CNTN5: variants seen among roughly 807,000 people sequenced by gnomAD.
CNTN5 encodes contactin 5.
Under a neutral mutation model 129.1 loss-of-function variants are expected in CNTN5, and 77 were observed. The ratio of observed to expected loss-of-function variants is 0.60; its 90% CI spans 0.50 to 0.72. The LOEUF is 0.72. Among genes scored for constraint, CNTN5 ranks in the 30% least tolerant of loss-of-function variants. CNTN5 has a pLI of 0.00. For synonymous variants in CNTN5, 509 were observed against 465.6 expected, an observed-to-expected ratio of 1.09 and a Z score of -1.20; for missense variants, 1,478 against 1,328.8, an observed-to-expected ratio of 1.11 and a Z score of -1.75.
At position 99,700,750 on chromosome 11, in the gene CNTN5, A is replaced by G. The variant is rs148432668; in HGVS notation, c.56-118794A>G. Among the ~76,000 whole-genome samples, 265 of 151,404 alleles carry G rather than the reference A, an allele frequency of 1.8e-3. 1 individual carries two copies. The highest frequency in any genetic ancestry group is 5.8e-3 in the African/African-American group (240 of 41,448). On this transcript the variant is annotated intron_variant, in intron 3 of 24. Coordinates refer to ENST00000524871, the MANE Select transcript of CNTN5 (RefSeq NM_014361.4). ...ATTAAATGGCTACTGTCCTGGTCCT[A>G]TCTACACAAGGAATAGCAATTTCAT...
chr11:100,337,409 G>A, intron 21 of CNTN5: 1 of 770,704 alleles, frequency 1.3e-6, no homozygotes, highest in South Asian at 1.3e-5. Context: ...AGCAATCCAG[G>A]GAAGAGTGAA....
At chr11:99,957,106 A>G in intron 8 of CNTN5, 97 bp downstream of exon 8, 1 of 1,072,374 alleles carries the variant, frequency 9.3e-7, no homozygotes, top group African/African-American at 1.6e-5. Flanking sequence ...GGAACTTACA[A>G]ATAAAATAAA....
At chr11:99,797,377 TAA>T (rs1357580502) in intron 3 of CNTN5, among the ~76,000 whole-genome samples, 2 of 152,142 alleles carry the variant, frequency 1.3e-5, no homozygotes, top group Non-Finnish European at 2.9e-5. Flanking sequence ...CAATAGTGTA[TAA>T]GTGTTCCCTT....
chr11:99,791,428 A>G (rs898917237), intron 3 of CNTN5, among the ~76,000 whole-genome samples: 14 of 151,888 alleles, frequency 9.2e-5, no homozygotes, highest in African/African-American at 2.7e-4. Flanking sequence ...ATTTTTGTCT[A>G]CTGTGTCAAA....
At position 99,841,763 on chromosome 11, in the gene CNTN5, AT is replaced by A. The variant is rs1007168240; in HGVS notation, c.278-3088del. Among the ~76,000 whole-genome samples the A allele has an allele frequency of 8.4e-4, 115 of 137,404 alleles. 1 individual carries two copies. The highest frequency in any genetic ancestry group is 2.8e-3 in the African/African-American group (102 of 36,876). The allele number at this position is 137,404 out of a possible 152,430, so 90.1% of individuals were successfully genotyped here. The stretch of plus-strand genomic sequence containing the variant: ...TCAAGAATTCAATAGCCTTAGATTT[AT>A]ATTCCAGGTTTGACATTTATATATA... On this transcript the variant is annotated intron_variant, in intron 4 of 24. Coordinates refer to ENST00000524871, the MANE Select transcript of CNTN5 (RefSeq NM_014361.4).
chr11:100,294,656 T>G (rs1200100976), intron 18 of CNTN5, among the ~76,000 whole-genome samples: 1 of 151,644 alleles, frequency 6.6e-6, no homozygotes, highest in Non-Finnish European at 1.5e-5. Flanking sequence ...TTAAAATATA[T>G]TTTGTTTTAA....
chr11:100,311,615 G>A (rs1337663339), intron 21 of CNTN5, among the ~76,000 whole-genome samples: 1 of 151,902 alleles, frequency 6.6e-6, no homozygotes, highest in African/African-American at 2.4e-5. Context: ...GGAGAGGAGA[G>A]GGTCTGGCTG....
At chr11:99,566,299 T>C (rs1949004462) in intron 3 of CNTN5, among the ~76,000 whole-genome samples, 1 of 152,178 alleles carries the variant, frequency 6.6e-6, no homozygotes, top group Admixed American at 6.5e-5. Context: ...CTGCCATTGT[T>C]ATAAGCTTCC....
chr11:99,673,278 A>C (rs545742678), intron 3 of CNTN5, among the ~76,000 whole-genome samples: 1 of 152,178 alleles, frequency 6.6e-6, no homozygotes, highest in Non-Finnish European at 1.5e-5. Context: ...TGGGCATCAT[A>C]GCATTTTGAT....
intron 2 of CNTN5, among the ~76,000 whole-genome samples, chr11:99,508,796 C>T (rs1046104561): frequency 7.2e-5 from 11 of 151,972 alleles, no homozygotes; most frequent in Non-Finnish European, 1.3e-4. Context: ...ATTCTCCTGC[C>T]TCAGCCTCCC....
chr11:99,125,731 G>A lies in CNTN5; in HGVS notation c.-210+104461G>A, dbSNP rs546199671. On this transcript the variant is annotated intron_variant, in intron 1 of 24. Coordinates refer to ENST00000524871, the MANE Select transcript of CNTN5 (RefSeq NM_014361.4). Reference sequence around the variant, plus strand: ...GCTACAAAAATGTTATCACTAGACCGTCATTAAAATAAAAAATTTACCACT... The same window carrying A: ...GCTACAAAAATGTTATCACTAGACCATCATTAAAATAAAAAATTTACCACT... Among the ~76,000 whole-genome samples the A allele has an allele frequency of 3.1e-3, 470 of 152,078 alleles. 2 individuals carry two copies. The highest frequency in any genetic ancestry group is 0.011 in the African/African-American group (436 of 41,510).
At chr11:99,078,757 GA>G (rs1865680813) in intron 1 of CNTN5, among the ~76,000 whole-genome samples, 1 of 152,118 alleles carries the variant, frequency 6.6e-6, no homozygotes, top group Non-Finnish European at 1.5e-5. Flanking sequence ...TGAGCTTATG[GA>G]AATAGAGACT....
intron 6 of CNTN5, among the ~76,000 whole-genome samples, chr11:99,888,992 AG>A (rs922135632): frequency 2.4e-5 from 1 of 42,354 alleles, no homozygotes; most frequent in African/African-American, 1.2e-4. Flanking sequence ...GGGAGGGTTC[AG>A]TTATTTAATT....
intron 1 of CNTN5, among the ~76,000 whole-genome samples, chr11:99,263,595 G>C (rs1360196209): frequency 6.6e-6 from 1 of 152,012 alleles, no homozygotes; most frequent in Non-Finnish European, 1.5e-5. Context: ...GGGGGAAAAA[G>C]GGAGAAAGGA....
intron 3 of CNTN5, among the ~76,000 whole-genome samples, chr11:99,709,306 A>G (rs1183830079): frequency 6.6e-6 from 1 of 151,862 alleles, no homozygotes; most frequent in African/African-American, 2.4e-5. Context: ...CTACTGTATG[A>G]TTGCCACTAA....
At chr11:99,716,857 A>C (rs1379560560) in intron 3 of CNTN5, among the ~76,000 whole-genome samples, 5 of 152,128 alleles carry the variant, frequency 3.3e-5, no homozygotes, top group Non-Finnish European at 7.4e-5. Flanking sequence ...AAACGAAAGT[A>C]TTTTATGTTC....
intron 2 of CNTN5, among the ~76,000 whole-genome samples, chr11:99,392,700 G>C (rs1040204815): frequency 6.6e-6 from 1 of 151,706 alleles, no homozygotes; most frequent in East Asian, 1.9e-4. Flanking sequence ...CTTTGTCTTT[G>C]GGTTAATGGT....
intron 13 of CNTN5, among the ~76,000 whole-genome samples, chr11:100,135,397 G>T (rs1946492411): frequency 6.6e-6 from 1 of 151,824 alleles, no homozygotes; most frequent in Non-Finnish European, 1.5e-5. Flanking sequence ...GGATGGTCTC[G>T]ATCTCCTGAC....
At chr11:99,917,572 G>T (rs72992836) in intron 7 of CNTN5, among the ~76,000 whole-genome samples, 1 of 152,174 alleles carries the variant, frequency 6.6e-6, no homozygotes, top group Non-Finnish European at 1.5e-5. Context: ...GCTTTATAGA[G>T]GATGACTGAT....
Sources: gnomAD v4.1 joint callset for allele counts (sites outside exome capture counted in the v4.1 genomes callset) on GRCh38, gnomAD v4.1.1 for gene constraint, MANE v1.5 for transcripts, NCBI Gene and HGNC (gene_info 2026-07-23, HGNC 2026-07-21) for gene names.